The following MFHAS1 variants were observed in gnomAD, a reference collection of about 807,000 sequenced individuals.
MFHAS1 encodes the protein multifunctional ROCO family signaling regulator 1.
In MFHAS1, 50 loss-of-function variants were observed where a neutral mutation model predicts 70.4. That is an observed-to-expected ratio of 0.71 (90% CI 0.57 to 0.90). MFHAS1 has a LOEUF of 0.90. MFHAS1 is among the 40% of genes least tolerant of loss of function. The pLI is 0.00. For synonymous variants in MFHAS1, 952 were observed against 620.0 expected, an observed-to-expected ratio of 1.54 and a Z score of -7.96; for missense variants, 1,795 against 1,347.6, an observed-to-expected ratio of 1.33 and a Z score of -5.20.
Position 8,890,828 on chromosome 8 carries a change from T to A in MFHAS1, c.2231A>T (p.Asp744Val). 1 of 1,614,196 alleles carries A rather than the reference T, an allele frequency of 6.2e-7. No individual in the cohort carries two copies. Among genetic ancestry groups the A allele is most frequent in the South Asian group, 1.1e-5 (1 of 91,088 alleles). The change falls in exon 1 of 3, where the codon GAT becomes GTT. Residue 744 changes from aspartate (D) to valine (V), a missense_variant. Coordinates refer to ENST00000276282, the MANE Select transcript of MFHAS1 (RefSeq NM_004225.3). ...CAGCTTATGCAGCAGCAAAGAGGGA[T>A]CCCTCTGGAAGAAGACATTGAGGAT... ...IDILNVFFQR[D>V]PSLLLHKLLL... is the part of the protein sequence containing the mutation.
intron 1 of MFHAS1, among the ~76,000 whole-genome samples, chr8:8,842,288 C>G (rs577055632): frequency 8.3e-4 from 126 of 152,164 alleles, no homozygotes; most frequent in African/African-American, 2.9e-3. Flanking sequence ...CAGGTTCAAG[C>G]GATTCTCCTG....
chr8:8,805,559 G>A lies in MFHAS1; in HGVS notation c.2999-8068C>T, dbSNP rs188785850. Among the ~76,000 whole-genome samples the A allele has an allele frequency of 2.9e-3, 440 of 152,260 alleles. 1 individual carries two copies. The highest frequency in any genetic ancestry group is 9.4e-3 in the African/African-American group (391 of 41,550). On this transcript the variant is annotated intron_variant, in intron 1 of 2. Coordinates refer to ENST00000276282, the MANE Select transcript of MFHAS1 (RefSeq NM_004225.3). ...GGGAGGAGGGGGAAGAGGAGGGGTTGGTCTGGTTGTCTCAGGGGTGGCAGA... is the reference window on the plus strand; with the variant it reads ...GGGAGGAGGGGGAAGAGGAGGGGTTAGTCTGGTTGTCTCAGGGGTGGCAGA...
chr8:8,884,929 G>A lies in MFHAS1; in HGVS notation c.2998+5132C>T, dbSNP rs146465577. On this transcript the variant is annotated intron_variant, in intron 1 of 2. Transcript: ENST00000276282. ...TATTGCCCCAATGCATTCCAACCTCGGTGACAGAGTGAGACCCTGCCCCCA... is the reference window on the plus strand; with the variant it reads ...TATTGCCCCAATGCATTCCAACCTCAGTGACAGAGTGAGACCCTGCCCCCA... Among the ~76,000 whole-genome samples the A allele has an allele frequency of 5.7e-3, 863 of 151,980 alleles. 4 individuals are homozygous for A. Among genetic ancestry groups the A allele is most frequent in the Non-Finnish European group, 0.01 (712 of 67,984 alleles).
intron 2 of MFHAS1, among the ~76,000 whole-genome samples, chr8:8,787,035 A>T (rs982780462): frequency 6.6e-6 from 1 of 151,748 alleles, no homozygotes; most frequent in Non-Finnish European, 1.5e-5. Context: ...TTTATCTTCA[A>T]CTCCTAATAA....
chr8:8,824,527 A>T (rs1372063940), intron 1 of MFHAS1, among the ~76,000 whole-genome samples: 1,219 of 27,766 alleles, frequency 0.044, 13 homozygotes, highest in South Asian at 0.11. Flanking sequence ...TCTTTCACAC[A>T]CACACACACA....
At chr8:8,870,681 A>C (rs1167194188) in intron 1 of MFHAS1, among the ~76,000 whole-genome samples, 1 of 152,030 alleles carries the variant, frequency 6.6e-6, no homozygotes, top group African/African-American at 2.4e-5. Flanking sequence ...TCCATCCCGC[A>C]GGCCTCTCCG....
rs1344186373 is a variant in MFHAS1, at chr8:8,892,781, A to C, written c.278T>G (p.Val93Gly). The change falls in exon 1 of 3, where the codon GTC becomes GGC. Residue 93 changes from valine (V) to glycine (G), a missense_variant. Coordinates refer to ENST00000276282, the MANE Select transcript of MFHAS1 (RefSeq NM_004225.3). The surrounding 1 kb of genome is among the most constrained non-coding windows in gnomAD (Gnocchi z 4.7). ...CCGGGCGAAGCGGTTCCTGCGCAGGACCAGGACGCGCAGGCTGCCCAGCGC... is the reference window on the plus strand; with the variant it reads ...CCGGGCGAAGCGGTTCCTGCGCAGGCCCAGGACGCGCAGGCTGCCCAGCGC... Reference protein sequence around the residue: ...GSALGSLRVLVLRRNRFARLP... With the variant: ...GSALGSLRVLGLRRNRFARLP... The C allele has an allele frequency of 4.4e-6, 7 of 1,584,388 alleles. No individual in the cohort carries two copies. In the East Asian group the frequency reaches 1.4e-4, roughly 31 times the overall value.
At chr8:8,853,450 G>A (rs994162800) in intron 1 of MFHAS1, among the ~76,000 whole-genome samples, 1 of 141,222 alleles carries the variant, frequency 7.1e-6, no homozygotes, top group Non-Finnish European at 1.5e-5. Flanking sequence ...AATCGCACAA[G>A]GTGTCTGCTC....
chr8:8,815,728 C>A (rs1200567329), intron 1 of MFHAS1, among the ~76,000 whole-genome samples: 1 of 152,156 alleles, frequency 6.6e-6, no homozygotes, highest in Non-Finnish European at 1.5e-5. Context: ...CTGGAACTCT[C>A]CTACACTGTG....
rs1585076917 is a variant in MFHAS1, at chr8:8,890,624, T to C, written c.2435A>G (p.Gln812Arg). ...CAACAGCTGCAAGTCCTGCTGGGCC[T>C]GGACATGAGGCTTAAGCAGCAACCG... ...VIRLLLKPHV[Q>R]AQQDLQLLLE... Residue 812 changes from glutamine (Q) to arginine (R), a missense_variant, in exon 1 of 3, where the codon CAG becomes CGG. Transcript: ENST00000276282. 1 of 1,613,946 alleles carries C rather than the reference T, an allele frequency of 6.2e-7. No homozygotes were observed. The highest frequency in any genetic ancestry group is 8.5e-7 in the Non-Finnish European group (1 of 1,179,986).
intron 1 of MFHAS1, among the ~76,000 whole-genome samples, chr8:8,861,193 G>A (rs538078593): frequency 6.6e-6 from 1 of 152,312 alleles, no homozygotes; most frequent in African/African-American, 2.4e-5. Context: ...AACATGTAAT[G>A]TAAAACAGAA....
At chr8:8,851,906 G>C (rs1432150336) in intron 1 of MFHAS1, among the ~76,000 whole-genome samples, 2 of 152,134 alleles carry the variant, frequency 1.3e-5, no homozygotes, top group Admixed American at 6.5e-5. Context: ...TGGTGACAGA[G>C]AAAAAATGTT....
chr8:8,820,941 G>C (rs1377307248), intron 1 of MFHAS1, among the ~76,000 whole-genome samples: 1 of 152,238 alleles, frequency 6.6e-6, no homozygotes, highest in Non-Finnish European at 1.5e-5. Flanking sequence ...CAGTGAGAGA[G>C]AGAAGCTCTC....
chr8:8,853,747 G>C (rs1374767307), intron 1 of MFHAS1, among the ~76,000 whole-genome samples: 1 of 152,118 alleles, frequency 6.6e-6, no homozygotes, highest in Non-Finnish European at 1.5e-5. Context: ...TGTGTTTTTA[G>C]TAGAGACAGG....
intron 2 of MFHAS1, among the ~76,000 whole-genome samples, chr8:8,792,330 G>A (rs1391310230): frequency 1.3e-5 from 2 of 152,136 alleles, no homozygotes; most frequent in Non-Finnish European, 2.9e-5. Flanking sequence ...GGCCGGGCGC[G>A]TGGCTCACGC....
intron 1 of MFHAS1, among the ~76,000 whole-genome samples, chr8:8,806,183 C>A (rs1242159176): frequency 6.6e-6 from 1 of 152,202 alleles, no homozygotes; most frequent in Admixed American, 6.5e-5. Flanking sequence ...CACTCTTCCT[C>A]ACGGGACGCC....
rs1024850931 is a variant in MFHAS1 at position 8,785,713 on chromosome 8, C to A, written c.*309G>T. 2 of 357,112 alleles carry A rather than the reference C, an allele frequency of 5.6e-6. No homozygotes were observed. The highest frequency in any genetic ancestry group is 4.9e-5 in the East Asian group (1 of 20,494). 22.1% of individuals were successfully genotyped at this position (357,112 alleles called of 1,614,324 possible). A position where few individuals can be genotyped will look rare whatever the true frequency, so the allele number is the denominator to read the frequency against. On this transcript the variant is annotated 3_prime_UTR_variant, in exon 3 of 3. Transcript: ENST00000276282. ...CTATGGCTTATATGTGCACGGAAAA[C>A]AAAATCCCTGAGAAGCCATTCGACT...
intron 2 of MFHAS1, 123 bp from the exon 3 acceptor site, chr8:8,786,178 C>T: frequency 1.1e-6 from 1 of 910,332 alleles, no homozygotes; most frequent in Non-Finnish European, 1.8e-6. Flanking sequence ...ATTTCTACTT[C>T]CAGGACTCAT....
intron 1 of MFHAS1, among the ~76,000 whole-genome samples, chr8:8,831,163 C>T (rs1424128858): frequency 6.6e-6 from 1 of 151,220 alleles, no homozygotes; most frequent in African/African-American, 2.4e-5. Context: ...GGGGTCTCTT[C>T]CAATAAGGAC....
Sources: gnomAD v4.1 joint callset for allele counts (sites outside exome capture counted in the v4.1 genomes callset) on GRCh38, gnomAD v4.1.1 for gene constraint, Gnocchi (gnomAD v3.1) non-coding constraint, MANE v1.5 for transcripts, NCBI Gene and HGNC (gene_info 2026-07-23, HGNC 2026-07-21) for gene names.